Variants in ADAM19 observed in about 807,000 individuals in gnomAD.
ADAM19 encodes the protein disintegrin and metalloproteinase domain-containing protein 19.
Under a neutral mutation model 114.7 loss-of-function variants are expected in ADAM19, and 65 were observed. The observed-to-expected ratio is 0.57, with a 90% CI of 0.46 to 0.70. The LOEUF (loss-of-function observed/expected upper bound fraction) is 0.70. ADAM19 is among the 30% of genes least tolerant of loss of function. The pLI, the probability that ADAM19 is intolerant of heterozygous loss-of-function variation, is 0.00. For synonymous variants in ADAM19, 466 were observed against 460.5 expected (o/e 1.01, Z -0.15); for missense variants, 1,063 against 1,204.7 (o/e 0.88, Z 1.74).
At chr5:157,491,758 C>A in intron 17 of ADAM19, 35 bp from the exon 18 acceptor site, 4 of 1,610,794 alleles carry the variant, frequency 2.5e-6, no homozygotes, top group Non-Finnish European at 3.4e-6. Flanking sequence ...ATCAGCACCC[C>A]AGAGAGCATC....
At chr5:157,520,053 T>A (rs763824646) in intron 5 of ADAM19, 22 bp from the exon 6 acceptor site, 19 of 1,588,348 alleles carry the variant, frequency 1.2e-5, no homozygotes, top group Non-Finnish European at 1.5e-5. Context: ...AGAAATAGAA[T>A]CTCTGGTCAA....
At chr5:157,506,129 A>G (rs1755734329) in intron 10 of ADAM19, among the ~76,000 whole-genome samples, 1 of 152,230 alleles carries the variant, frequency 6.6e-6, no homozygotes, top group African/African-American at 2.4e-5. Context: ...CTGAACATAT[A>G]TATTTCTCCA....
chr5:157,550,485 C>T (rs1286396971), intron 3 of ADAM19, among the ~76,000 whole-genome samples: 1 of 152,178 alleles, frequency 6.6e-6, no homozygotes, highest in Non-Finnish European at 1.5e-5. Flanking sequence ...GGGATAAGGA[C>T]TTCAACATAT....
At position 157,513,490 on chromosome 5, in the gene ADAM19, G is replaced by A. The variant is rs1049680013; in HGVS notation, c.682C>T (p.Arg228Ter). The change falls in exon 8 of 23, where the codon CGA becomes TGA. Residue 228 changes from arginine (R) to a stop codon, truncating the protein, a stop_gained. Coordinates refer to ENST00000257527, the MANE Select transcript of ADAM19 (RefSeq NM_033274.5). LOFTEE classifies it high-confidence loss of function. Reference protein sequence around the residue: ...ADYLEFQKNRRDQDATKHKLI... With the variant: ...ADYLEFQKNR Reference sequence around the variant, plus strand: ...TTGTGTTTGGTGGCGTCCTGGTCTCGTCGATTCTTCTGAAACTAAATGGGA... The same window carrying A: ...TTGTGTTTGGTGGCGTCCTGGTCTCATCGATTCTTCTGAAACTAAATGGGA... 1.2e-6 allele frequency: 2 copies of A among 1,613,942 alleles called. No homozygotes were observed. The highest frequency in any genetic ancestry group is 1.7e-6 in the Non-Finnish European group (2 of 1,179,874).
intron 3 of ADAM19, among the ~76,000 whole-genome samples, chr5:157,552,006 C>A (rs996467081): frequency 1.3e-5 from 2 of 152,004 alleles, no homozygotes; most frequent in African/African-American, 4.8e-5. Flanking sequence ...AAAAAATTAA[C>A]CAGGTGTGGT....
intron 3 of ADAM19, among the ~76,000 whole-genome samples, chr5:157,543,392 T>C (rs1372997235): frequency 6.6e-6 from 1 of 152,238 alleles, no homozygotes; most frequent in Non-Finnish European, 1.5e-5. Flanking sequence ...CTAGCTCTTA[T>C]AAGTCGTGTG....
In ADAM19 at chr5:157,477,553, G is replaced by A; in HGVS notation, c.*3396C>T. 3 of 1,190,864 alleles carry A rather than the reference G, an allele frequency of 2.5e-6. No individual in the cohort carries two copies. Among genetic ancestry groups the A allele is most frequent in the South Asian group, 3.1e-5 (2 of 64,968 alleles). 73.8% of individuals were successfully genotyped at this position (1,190,864 alleles called of 1,614,324 possible). Reference sequence around the variant, plus strand: ...AGAGGACGCGTTGGGGGTGACTTTGGAAATGTGGGCTTGGATTCTACAGAA... The same window carrying A: ...AGAGGACGCGTTGGGGGTGACTTTGAAAATGTGGGCTTGGATTCTACAGAA... On this transcript the variant is annotated 3_prime_UTR_variant, in exon 23 of 23. Transcript: ENST00000257527.
rs73309972 is a variant in ADAM19, at chr5:157,480,368, G to A, written c.*581C>T. ...CAGGGGTTTGGGGAGAGGTGGGAGG[G>A]GACGTGGCTTGTCACATGCAGCCAT... On this transcript the variant is annotated 3_prime_UTR_variant, in exon 23 of 23. Transcript: ENST00000257527. The A allele has an allele frequency of 4.2e-3, 4,158 of 987,778 alleles. 173 individuals carry two copies. In the African/African-American group the frequency reaches 0.068, roughly 16 times the overall value. The allele number at this position is 987,778 out of a possible 1,614,324, so 61.2% of individuals were successfully genotyped here. A position where few individuals can be genotyped will look rare whatever the true frequency, so the allele number is the denominator to read the frequency against.
chr5:157,542,438 C>G (rs1268978812), intron 3 of ADAM19, among the ~76,000 whole-genome samples: 1 of 152,208 alleles, frequency 6.6e-6, no homozygotes, highest in Non-Finnish European at 1.5e-5. Flanking sequence ...GTTTAAGCAG[C>G]AGCTGCACTA....
intron 3 of ADAM19, among the ~76,000 whole-genome samples, chr5:157,549,060 C>G (rs909182328): frequency 6.6e-6 from 1 of 152,182 alleles, no homozygotes; most frequent in Non-Finnish European, 1.5e-5. Context: ...CTCCATCCAC[C>G]AAGTACACCT....
At chr5:157,526,216 A>G (rs1756451309) in intron 5 of ADAM19, among the ~76,000 whole-genome samples, 1 of 151,980 alleles carries the variant, frequency 6.6e-6, no homozygotes, top group Non-Finnish European at 1.5e-5. Flanking sequence ...ATGTATTTCA[A>G]TAAAGGATAC....
chr5:157,489,412 G>A (rs1755073178), intron 19 of ADAM19, among the ~76,000 whole-genome samples: 1 of 152,142 alleles, frequency 6.6e-6, no homozygotes, highest in Non-Finnish European at 1.5e-5. Flanking sequence ...ACAAAGCAGA[G>A]CTCTCTCAGC....
intron 3 of ADAM19, among the ~76,000 whole-genome samples, chr5:157,547,893 C>T (rs545743420): frequency 7.9e-5 from 12 of 152,238 alleles, no homozygotes; most frequent in Admixed American, 5.9e-4. Context: ...ATTCTTCATC[C>T]GCTTCCCATT....
rs183657371 is a variant in ADAM19 at position 157,547,292 on chromosome 5, C to T, written c.252-9301G>A. ...CACAAGCTAAGGAAAACTCCAGGGA[C>T]AGACACCACCATTGCTGTGGTTTGA... On this transcript the variant is annotated intron_variant, in intron 3 of 22. Transcript: ENST00000257527. Among the ~76,000 whole-genome samples the T allele has an allele frequency of 3.3e-5, 5 of 152,310 alleles. No homozygotes were observed. The East Asian group carries it at 9.7e-4, about 29-fold the overall frequency.
intron 2 of ADAM19, among the ~76,000 whole-genome samples, chr5:157,569,279 C>CTCAGACT (rs1757757251): frequency 7.2e-6 from 1 of 137,960 alleles, no homozygotes; most frequent in African/African-American, 2.7e-5. Context: ...TGCATTGTCA[C>CTCAGACT]TCAGACTGGA....
chr5:157,563,268 C>T (rs1019289834), intron 3 of ADAM19, among the ~76,000 whole-genome samples: 2 of 152,114 alleles, frequency 1.3e-5, no homozygotes, highest in African/African-American at 4.8e-5. Context: ...TCTGGCTTCC[C>T]GAGGCCACCA....
intron 21 of ADAM19, among the ~76,000 whole-genome samples, chr5:157,487,485 G>A (rs536396658): frequency 1.3e-5 from 2 of 152,188 alleles, no homozygotes; most frequent in Non-Finnish European, 2.9e-5. Flanking sequence ...CAGTTGAGGG[G>A]TCACACCCAA....
intron 3 of ADAM19, among the ~76,000 whole-genome samples, chr5:157,545,796 T>C (rs1032753504): frequency 1.3e-5 from 2 of 152,202 alleles, no homozygotes; most frequent in Non-Finnish European, 2.9e-5. Context: ...ACACACCCAG[T>C]AGGCAGAGAG....
chr5:157,515,725 C>T (rs1011883720), intron 7 of ADAM19, among the ~76,000 whole-genome samples: 2 of 152,166 alleles, frequency 1.3e-5, no homozygotes, highest in African/African-American at 2.4e-5. Flanking sequence ...CCACATGCAG[C>T]ACCATCCTTT....
Sources: allele counts gnomAD v4.1 joint callset (sites outside exome capture counted in the v4.1 genomes callset), GRCh38; gene constraint gnomAD v4.1.1; transcripts MANE v1.5; gene names NCBI Gene and HGNC (gene_info 2026-07-23, HGNC 2026-07-21).